Variants in HLCS observed in about 807,000 individuals in gnomAD.
HLCS encodes the protein holocarboxylase synthetase, also known as biotin--protein ligase.
HLCS carries 53 observed loss-of-function variants against 75.0 expected under a neutral mutation model. The ratio of observed to expected loss-of-function variants is 0.71; its 90% CI spans 0.57 to 0.89. The LOEUF is 0.89. Ranked by LOEUF, HLCS falls within the 40% of genes least tolerant of loss-of-function variation. HLCS has a pLI of 0.00. For synonymous variants in HLCS, 431 were observed against 428.6 expected (o/e 1.01, Z -0.07); for missense variants, 966 against 1,074.0 (o/e 0.90, Z 1.41).
chr21:36,882,654 G>C (rs1483968577), intron 6 of HLCS, among the ~76,000 whole-genome samples: 1 of 147,186 alleles, frequency 6.8e-6, no homozygotes, highest in Non-Finnish European at 1.5e-5. Flanking sequence ...GTAGAGATGG[G>C]GTTTCTCCAT....
intron 6 of HLCS, among the ~76,000 whole-genome samples, chr21:36,813,581 C>T (rs2835465): frequency 0.47 from 71,505 of 152,092 alleles, 19,495 homozygotes; most frequent in African/African-American, 0.76. Flanking sequence ...ATGCCAACAT[C>T]TGATGCCAAC....
At chr21:36,902,380 C>A (rs185509896) in intron 5 of HLCS, among the ~76,000 whole-genome samples, 1 of 152,306 alleles carries the variant, frequency 6.6e-6, no homozygotes, top group East Asian at 1.9e-4. Context: ...AAAGGTCAGC[C>A]TTGGGAGCAG....
chr21:36,820,358 TGCCCAGCCACGGCC>T (rs2061794461), intron 6 of HLCS, among the ~76,000 whole-genome samples: 1 of 152,096 alleles, frequency 6.6e-6, no homozygotes, highest in African/African-American at 2.4e-5. Flanking sequence ...CAGCTGCTGC[TGCCCAGCCACGGCC>T]GGGCCGCCGA....
At chr21:36,869,292 T>A (rs1273754105) in intron 6 of HLCS, among the ~76,000 whole-genome samples, 1 of 151,932 alleles carries the variant, frequency 6.6e-6, no homozygotes, top group African/African-American at 2.4e-5. Context: ...GCCCGGCTAA[T>A]CTTCTAATCT....
chr21:36,829,249 A>G (rs1394756605), intron 6 of HLCS, among the ~76,000 whole-genome samples: 1 of 152,270 alleles, frequency 6.6e-6, no homozygotes, highest in Non-Finnish European at 1.5e-5. Flanking sequence ...CTCAGTTTGT[A>G]TGAGAAGCAC....
chr21:36,941,265 C>T (rs1293840261), intron 2 of HLCS, among the ~76,000 whole-genome samples: 2 of 152,200 alleles, frequency 1.3e-5, no homozygotes, highest in Non-Finnish European at 2.9e-5. Flanking sequence ...CTGTCTCTCA[C>T]CTGCCACCAT....
intron 6 of HLCS, among the ~76,000 whole-genome samples, chr21:36,789,019 G>T (rs901419663): frequency 1.3e-5 from 2 of 152,102 alleles, no homozygotes; most frequent in Non-Finnish European, 2.9e-5. Flanking sequence ...GGCCATAACA[G>T]CCACCTGATT....
chr21:36,853,668 T>C (rs542322694), intron 6 of HLCS, among the ~76,000 whole-genome samples: 2 of 152,194 alleles, frequency 1.3e-5, no homozygotes, highest in Non-Finnish European at 2.9e-5. Context: ...CCTTCAGATA[T>C]TAATAAAGTG....
chr21:36,912,108 C>T (rs1601717036), intron 5 of HLCS, among the ~76,000 whole-genome samples: 1 of 150,984 alleles, frequency 6.6e-6, no homozygotes, highest in African/African-American at 2.4e-5. Flanking sequence ...AGAATTAATA[C>T]ATGATCCAGC....
At chr21:36,853,569 A>G (rs1235528163) in intron 6 of HLCS, among the ~76,000 whole-genome samples, 1 of 152,260 alleles carries the variant, frequency 6.6e-6, no homozygotes, top group African/African-American at 2.4e-5. Context: ...AGTTTTAAGT[A>G]CAGCAGATTA....
chr21:36,847,466 A>G (rs1389963986), intron 6 of HLCS, among the ~76,000 whole-genome samples: 2 of 152,210 alleles, frequency 1.3e-5, no homozygotes, highest in Non-Finnish European at 2.9e-5. Context: ...TAATACCAGC[A>G]ACTTATTTAC....
At position 36,806,726 on chromosome 21, in the gene HLCS, G is replaced by A. The variant is rs911867981; in HGVS notation, c.1893-39441C>T. ...CAGAGACTCTAAGTTGTTTAAGAGA[G>A]CGTATTACTTATCTATTGCTGTGTA... On this transcript the variant is annotated intron_variant, in intron 6 of 10. Transcript: ENST00000674895. Among the ~76,000 whole-genome samples the A allele has an allele frequency of 3.9e-5, 6 of 152,210 alleles. No homozygotes were observed. In the East Asian group the frequency reaches 1.2e-3, roughly 29 times the overall value.
chr21:36,970,828 TA>T (rs1442726470), upstream of HLCS, among the ~76,000 whole-genome samples: 23 of 151,754 alleles, frequency 1.5e-4, no homozygotes, highest in Non-Finnish European at 2.8e-4. Flanking sequence ...CCGTCTCTAT[TA>T]AAAAATACAA....
intron 5 of HLCS, among the ~76,000 whole-genome samples, chr21:36,926,508 ATTTGT>A (rs1196582837): frequency 6.6e-6 from 1 of 152,232 alleles, no homozygotes; most frequent in Admixed American, 6.5e-5. Flanking sequence ...ACACGCAGTC[ATTTGT>A]TTTTAGTTTT....
intron 6 of HLCS, among the ~76,000 whole-genome samples, chr21:36,788,409 CTG>C (rs1234998286): frequency 6.6e-6 from 1 of 152,240 alleles, no homozygotes; most frequent in Non-Finnish European, 1.5e-5. Flanking sequence ...TCCAGACCTA[CTG>C]TTACACACTG....
At chr21:36,802,620 A>C (rs1401525640) in intron 6 of HLCS, among the ~76,000 whole-genome samples, 2 of 152,202 alleles carry the variant, frequency 1.3e-5, no homozygotes, top group Non-Finnish European at 2.9e-5. Context: ...TGGCACAGCC[A>C]AGGCTTCATT....
At chr21:36,966,918 G>T (rs1470513173), upstream of HLCS, among the ~76,000 whole-genome samples, 4 of 151,624 alleles carry the variant, frequency 2.6e-5, no homozygotes, top group Middle Eastern at 3.2e-3. Context: ...GGGGCGGGGG[G>T]TGTGCACCGG....
At chr21:36,849,207 G>A (rs2835494) in intron 6 of HLCS, among the ~76,000 whole-genome samples, 2,407 of 152,256 alleles carry the variant, frequency 0.016, 68 homozygotes, top group African/African-American at 0.055. Flanking sequence ...GGCCCACTTA[G>A]AGAGCCACAG....
At chr21:36,962,259 T>G in intron 1 of HLCS, 89 bp from the exon 2 acceptor site, 2 of 864,358 alleles carry the variant, frequency 2.3e-6, no homozygotes, top group Non-Finnish European at 3.2e-6. Context: ...TACCCTCCCC[T>G]ATAATTCCAA....
Sources: gnomAD v4.1 joint callset for allele counts (sites outside exome capture counted in the v4.1 genomes callset) on GRCh38, gnomAD v4.1.1 for gene constraint, MANE v1.5 for transcripts, NCBI Gene and HGNC (gene_info 2026-07-23, HGNC 2026-07-21) for gene names.